The following ONECUT2 variants were observed in gnomAD, a reference collection of about 807,000 sequenced individuals.
The protein encoded by ONECUT2 is one cut homeobox 2.
A neutral mutation model predicts 27.9 loss-of-function variants in ONECUT2; 10 were observed. The ratio of observed to expected loss-of-function variants is 0.36; its 90% CI spans 0.22 to 0.61. The LOEUF (loss-of-function observed/expected upper bound fraction) is 0.61. Ranked by LOEUF, ONECUT2 falls within the 20% of genes least tolerant of loss-of-function variation. ONECUT2 has a pLI of 0.73. For missense variants in ONECUT2, 686 were observed against 721.0 expected (o/e 0.95, Z 0.56); for synonymous variants, 334 against 315.1 (o/e 1.06, Z -0.64).
At chr18:57,445,858 C>A (rs987521237) in intron 1 of ONECUT2, among the ~76,000 whole-genome samples, 6 of 152,244 alleles carry the variant, frequency 3.9e-5, no homozygotes, top group Admixed American at 2.0e-4. Context: ...ACCCTGGAGT[C>A]CCCCTCGGGG....
rs1265000274 is a variant in ONECUT2 at position 57,477,341 on chromosome 18, T to G, written c.*618T>G. 1 of 152,460 alleles carries G rather than the reference T, an allele frequency of 6.6e-6. No homozygotes were observed. Among genetic ancestry groups the G allele is most frequent in the Non-Finnish European group, 1.5e-5 (1 of 68,016 alleles). The allele number at this position is 152,460 out of a possible 1,614,324, so 9.4% of individuals were successfully genotyped here. Reference sequence around the variant, plus strand: ...TTAAAAAAAAAAATCCAAGGACCTGTTTTTCCAACCCAGACATCTTTTCAT... The same window carrying G: ...TTAAAAAAAAAAATCCAAGGACCTGGTTTTCCAACCCAGACATCTTTTCAT... On this transcript the variant is annotated 3_prime_UTR_variant, in exon 2 of 2. Transcript: ENST00000491143.
intron 1 of ONECUT2, among the ~76,000 whole-genome samples, chr18:57,455,073 T>C (rs971185859): frequency 7.9e-5 from 12 of 152,320 alleles, no homozygotes; most frequent in African/African-American, 2.9e-4. Flanking sequence ...GACACCCCGG[T>C]GGTCATGAGA....
rs2050432418 is a variant in ONECUT2 at position 57,485,140 on chromosome 18, G to A, written c.*8417G>A. On this transcript the variant is annotated 3_prime_UTR_variant, in exon 2 of 2. Coordinates refer to ENST00000491143, the MANE Select transcript of ONECUT2 (RefSeq NM_004852.3). ...TAGATAACTTTTTAATTCAGTAGGA[G>A]GAGAAAGTTCATTCTTGGCCTGTTG... The A allele has an allele frequency of 6.6e-6, 1 of 152,166 alleles. No homozygotes were observed. Among genetic ancestry groups the A allele is most frequent in the Admixed American group, 6.5e-5 (1 of 15,276 alleles). 9.4% of individuals were successfully genotyped at this position (152,166 alleles called of 1,614,324 possible). A position where few individuals can be genotyped will look rare whatever the true frequency, so the allele number is the denominator to read the frequency against.
Position 57,435,568 on chromosome 18 carries a change from G to A in ONECUT2, c.-149G>A, listed in dbSNP as rs2050133336. On this transcript the variant is annotated 5_prime_UTR_variant, in exon 1 of 2. Transcript: ENST00000491143. ...GCCCCCACCCCGGGCGAGCCCGCCC[G>A]CAGCCCGGGGCGCACACCCGCACGC... The A allele has an allele frequency of 2.8e-5, 5 of 179,336 alleles. No individual in the cohort carries two copies. The South Asian group carries it at 6.6e-4, about 24-fold the overall frequency. 11.1% of individuals were successfully genotyped at this position (179,336 alleles called of 1,614,324 possible).
chr18:57,454,582 C>T (rs2050248550), intron 1 of ONECUT2, among the ~76,000 whole-genome samples: 1 of 152,106 alleles, frequency 6.6e-6, no homozygotes, highest in African/African-American at 2.4e-5. Context: ...GTATATGGCA[C>T]CTGGTACATT....
In ONECUT2 at chr18:57,476,718, G is replaced by A; in HGVS notation, c.1510G>A (p.Ala504Thr). The A allele has an allele frequency of 6.2e-7, 1 of 1,613,874 alleles. No homozygotes were observed. The highest frequency in any genetic ancestry group is 8.5e-7 in the Non-Finnish European group (1 of 1,179,898). Reference sequence around the variant, plus strand: ...GTCCACCTCCAGCACGTGTACCAAAGCATGATGGAAGGACTCTCACTTGGG... The same window carrying A: ...GTCCACCTCCAGCACGTGTACCAAAACATGATGGAAGGACTCTCACTTGGG... ...SSSTSSTCTK[A>T] The change falls in exon 2 of 2, where the codon GCA becomes ACA. Residue 504 changes from alanine to threonine, a missense_variant. Transcript: ENST00000491143.
rs538028496 is a variant in ONECUT2, at chr18:57,437,933, C to T, written c.1228+989C>T. Among the ~76,000 whole-genome samples, 3 of 152,336 alleles carry T rather than the reference C, an allele frequency of 2.0e-5. No individual in the cohort carries two copies. The East Asian group carries it at 5.8e-4, about 30-fold the overall frequency. ...GCGGGCGCTGATTGTGCGCGCCTGG[C>T]GACCGCGGGGAGGACTGGCGGCCCG... On this transcript the variant is annotated intron_variant, in intron 1 of 1. Coordinates refer to ENST00000491143, the MANE Select transcript of ONECUT2 (RefSeq NM_004852.3).
In ONECUT2 at chr18:57,435,615, C is replaced by G; in HGVS notation, c.-102C>G. On this transcript the variant is annotated 5_prime_UTR_variant, in exon 1 of 2. Coordinates refer to ENST00000491143, the MANE Select transcript of ONECUT2 (RefSeq NM_004852.3). ...ACGCGCACTCCTCTCCACTCACTCCCGCGCCCGCCCCCACTCCCGCAGCCG... is the reference window on the plus strand; with the variant it reads ...ACGCGCACTCCTCTCCACTCACTCCGGCGCCCGCCCCCACTCCCGCAGCCG... The G allele has an allele frequency of 1.0e-6, 1 of 967,950 alleles. No individual in the cohort carries two copies. The highest frequency in any genetic ancestry group is 1.8e-5 in the African/African-American group (1 of 55,742). 60.0% of individuals were successfully genotyped at this position (967,950 alleles called of 1,614,324 possible).
intron 1 of ONECUT2, chr18:57,444,435 G>A (rs1394009251): frequency 2.6e-5 from 12 of 456,608 alleles, no homozygotes; most frequent in Admixed American, 7.0e-5. Flanking sequence ...TGGGTGGGTA[G>A]CAAGCCTTTC....
Position 57,489,657 on chromosome 18 carries a change from A to C in ONECUT2, c.*12934A>C, listed in dbSNP as rs914443751. ...ATGACAAGGAACCTGCCACCTGGGAAGAAAAGAGTCCGAAGACTAGCAATC... is the reference window on the plus strand; with the variant it reads ...ATGACAAGGAACCTGCCACCTGGGACGAAAAGAGTCCGAAGACTAGCAATC... On this transcript the variant is annotated 3_prime_UTR_variant, in exon 2 of 2. Coordinates refer to ENST00000491143, the MANE Select transcript of ONECUT2 (RefSeq NM_004852.3). 4.0e-5 allele frequency: 4 copies of C among 100,786 alleles called. No homozygotes were observed. Among genetic ancestry groups the C allele is most frequent in the Non-Finnish European group, 6.1e-5 (3 of 49,030 alleles). 6.2% of individuals were successfully genotyped at this position (100,786 alleles called of 1,614,324 possible).
At chr18:57,457,232 A>G (rs1481537994) in intron 1 of ONECUT2, among the ~76,000 whole-genome samples, 1 of 152,186 alleles carries the variant, frequency 6.6e-6, no homozygotes, top group African/African-American at 2.4e-5. Context: ...GACAGCAGCC[A>G]TCCTAATGGG....
At chr18:57,445,385 C>T (rs1251869512) in intron 1 of ONECUT2, among the ~76,000 whole-genome samples, 6 of 152,180 alleles carry the variant, frequency 3.9e-5, no homozygotes, top group Non-Finnish European at 8.8e-5. Context: ...CTCAGTATCC[C>T]TCTTGCTTGT....
chr18:57,444,333 A>G (rs2050190668), intron 1 of ONECUT2: 1 of 456,368 alleles, frequency 2.2e-6, no homozygotes, highest in Non-Finnish European at 4.4e-6. Context: ...TGTTGCATTG[A>G]CATCCTTGAA....
In ONECUT2 at chr18:57,490,420, C is replaced by G. The variant is rs564633388; in HGVS notation, c.*13697C>G. 6.6e-6 allele frequency: 1 copy of G among 152,264 alleles called. No homozygotes were observed. The highest frequency in any genetic ancestry group is 2.1e-4 in the South Asian group (1 of 4,830). 9.4% of individuals were successfully genotyped at this position (152,264 alleles called of 1,614,324 possible). ...GCCTGCAGAACTTGCATCCTTTGTTCTATACTGTTGACTGCTTGATGGTAT... is the reference window on the plus strand; with the variant it reads ...GCCTGCAGAACTTGCATCCTTTGTTGTATACTGTTGACTGCTTGATGGTAT... On this transcript the variant is annotated 3_prime_UTR_variant, in exon 2 of 2. Transcript: ENST00000491143.
Position 57,476,648 on chromosome 18 carries a change from C to G in ONECUT2, c.1440C>G (p.Arg480=). 1 of 1,614,202 alleles carries G rather than the reference C, an allele frequency of 6.2e-7. No homozygotes were observed. Residue 480 remains arginine (R), a synonymous_variant, in exon 2 of 2, where the codon CGC becomes CGG. Coordinates refer to ENST00000491143, the MANE Select transcript of ONECUT2 (RefSeq NM_004852.3). Reference sequence around the variant, plus strand: ...ACTTCTTCATGAACGCCCGGCGCCGCAGCCTGGAGAAGTGGCAAGACGATC... The same window carrying G: ...ACTTCTTCATGAACGCCCGGCGCCGGAGCCTGGAGAAGTGGCAAGACGATC... ...VSNFFMNARR[R]SLEKWQDDLS... is the part of the protein sequence containing the mutation.
At chr18:57,444,422 A>T (rs763074529) in intron 1 of ONECUT2, 1 of 456,624 alleles carries the variant, frequency 2.2e-6, no homozygotes, top group African/African-American at 2.0e-5. Flanking sequence ...TTCCAGCAGG[A>T]TCTGGGTGGG....
chr18:57,467,284 G>T, intron 1 of ONECUT2: 1 of 428,814 alleles, frequency 2.3e-6, no homozygotes, highest in South Asian at 1.7e-5. Context: ...CCAAGTGAAA[G>T]CAGAGGCGGC....
At chr18:57,452,057 A>G (rs1201631625) in intron 1 of ONECUT2, among the ~76,000 whole-genome samples, 4 of 152,196 alleles carry the variant, frequency 2.6e-5, no homozygotes, top group Non-Finnish European at 5.9e-5. Context: ...CTATGGTGAT[A>G]CACAGACATC....
chr18:57,435,794 G>T lies in ONECUT2; in HGVS notation c.78G>T (p.Met26Ile). 8.0e-7 allele frequency: 1 copy of T among 1,257,370 alleles called. No homozygotes were observed. Among genetic ancestry groups the T allele is most frequent in the Non-Finnish European group, 1.0e-6 (1 of 966,624 alleles). 77.9% of individuals were successfully genotyped at this position (1,257,370 alleles called of 1,614,324 possible). Residue 26 changes from methionine to isoleucine, a missense_variant, in exon 1 of 2, where the codon ATG (methionine) becomes ATT (isoleucine). Met to Ile is a conservative substitution (Grantham distance 10, BLOSUM62 1). Around this residue, in one of 4 missense-constraint regions of ONECUT2, gnomAD observed 511 missense variants for 488.1 expected, o/e 1.05. Coordinates refer to ENST00000491143, the MANE Select transcript of ONECUT2 (RefSeq NM_004852.3). ...EGCAMNPELT[M>I]ESLGTLHGPA... is the part of the protein sequence containing the mutation. ...GCGCCATGAACCCGGAGCTGACAAT[G>T]GAAAGTCTGGGCACTTTGCACGGGC...
Sources: allele counts gnomAD v4.1 joint callset (sites outside exome capture counted in the v4.1 genomes callset), GRCh38; gene constraint gnomAD v4.1.1; regional missense constraint gnomAD v4.1.1; transcripts MANE v1.5; gene names NCBI Gene and HGNC (gene_info 2026-07-23, HGNC 2026-07-21).